FSTL5: variants seen among roughly 807,000 people sequenced by gnomAD.
FSTL5 encodes the protein follistatin-related protein 5.
Under a neutral mutation model 89.1 loss-of-function variants are expected in FSTL5, and 62 were observed. That is an observed-to-expected ratio of 0.70 (90% CI 0.57 to 0.86). FSTL5 has a LOEUF of 0.86. Ranked by LOEUF, FSTL5 falls within the 40% of genes least tolerant of loss-of-function variation. The pLI, the probability that FSTL5 is intolerant of heterozygous loss-of-function variation, is 0.00. For missense variants in FSTL5, 1,057 were observed against 1,001.6 expected (o/e 1.06, Z -0.75); for synonymous variants, 383 against 346.2 (o/e 1.11, Z -1.18).
At chr4:161,490,124 C>G (rs896840342) in intron 12 of FSTL5, among the ~76,000 whole-genome samples, 1 of 152,024 alleles carries the variant, frequency 6.6e-6, no homozygotes, top group African/African-American at 2.4e-5. Flanking sequence ...TCACTCTGAT[C>G]CTCTGAATTT....
chr4:161,475,611 A>AT (rs1734108487), intron 13 of FSTL5, among the ~76,000 whole-genome samples: 2 of 151,596 alleles, frequency 1.3e-5, no homozygotes, highest in Non-Finnish European at 2.9e-5. Context: ...ATTCTTTACT[A>AT]ACATTTCCAT....
Position 162,071,005 on chromosome 4 carries a change from A to G in FSTL5, c.127-37347T>C, listed in dbSNP as rs547369734. On this transcript the variant is annotated intron_variant, in intron 2 of 15. Transcript: ENST00000306100. ...AAGCTGTTACACAAATGAGAAAGAG[A>G]AAGGAATCGAATCTGATAACTATAG... is the stretch of plus-strand genomic sequence containing the variant. 2.6e-4 allele frequency among the ~76,000 whole-genome samples: 39 copies of G among 151,076 alleles called. No homozygotes were observed. In the East Asian group the frequency reaches 7.4e-3, roughly 29 times the overall value.
chr4:161,760,090 T>C (rs1740732711), intron 5 of FSTL5, among the ~76,000 whole-genome samples: 1 of 151,882 alleles, frequency 6.6e-6, no homozygotes, highest in Admixed American at 6.6e-5. Flanking sequence ...AAAAGAGCTA[T>C]TAAGCAAATG....
intron 4 of FSTL5, among the ~76,000 whole-genome samples, chr4:161,814,805 A>T (rs1229269087): frequency 6.6e-6 from 1 of 152,114 alleles, no homozygotes; most frequent in Non-Finnish European, 1.5e-5. Context: ...TCCACTTTAT[A>T]AGATAGGCCT....
intron 7 of FSTL5, among the ~76,000 whole-genome samples, chr4:161,619,759 A>G (rs2126644401): frequency 6.6e-6 from 1 of 152,228 alleles, no homozygotes; most frequent in Admixed American, 6.5e-5. Flanking sequence ...AACTAGTTCA[A>G]CCATTGTGGA....
chr4:161,543,161 A>G (rs1731890468), intron 8 of FSTL5, among the ~76,000 whole-genome samples: 1 of 152,106 alleles, frequency 6.6e-6, no homozygotes, highest in African/African-American at 2.4e-5. Flanking sequence ...CTGTTAGGAA[A>G]TTAATAATTC....
At chr4:161,654,557 C>T (rs1268635672) in intron 7 of FSTL5, among the ~76,000 whole-genome samples, 1 of 151,980 alleles carries the variant, frequency 6.6e-6, no homozygotes, top group African/African-American at 2.4e-5. Context: ...TATATGCAAA[C>T]TTAGAAAAGC....
At chr4:161,969,986 T>A (rs540393759) in intron 3 of FSTL5, among the ~76,000 whole-genome samples, 1 of 151,976 alleles carries the variant, frequency 6.6e-6, no homozygotes, top group South Asian at 2.1e-4. Flanking sequence ...GCTAAAGAGG[T>A]TGGTGAGGAC....
At chr4:162,048,445 A>G (rs1191072715) in intron 2 of FSTL5, among the ~76,000 whole-genome samples, 1 of 152,160 alleles carries the variant, frequency 6.6e-6, no homozygotes, top group Non-Finnish European at 1.5e-5. Flanking sequence ...AGAATAATTT[A>G]AATTGGTAAC....
chr4:161,415,069 A>G lies in FSTL5; in HGVS notation c.1842-28620T>C, dbSNP rs575148326. On this transcript the variant is annotated intron_variant, in intron 15 of 15. Transcript: ENST00000306100. ...TAAATTATACCTATTATCATTAAGA[A>G]TAATGGTACGATGTCAAGAAAATAC... is the stretch of plus-strand genomic sequence containing the variant. Among the ~76,000 whole-genome samples the G allele has an allele frequency of 9.8e-5, 15 of 152,346 alleles. No individual in the cohort carries two copies. In the South Asian group the frequency reaches 3.1e-3, roughly 32 times the overall value.
At chr4:162,106,254 AAGTTGGACATAGT>A in intron 2 of FSTL5, among the ~76,000 whole-genome samples, 1 of 152,310 alleles carries the variant, frequency 6.6e-6, no homozygotes, top group South Asian at 2.1e-4. Flanking sequence ...CTGCACTACA[AAGTTGGACATAGT>A]AGTATCTGGT....
intron 2 of FSTL5, among the ~76,000 whole-genome samples, chr4:162,044,238 A>G (rs1284631515): frequency 6.6e-6 from 1 of 152,230 alleles, no homozygotes; most frequent in Non-Finnish European, 1.5e-5. Flanking sequence ...CATGTGCTAC[A>G]GAATGAATGT....
intron 4 of FSTL5, among the ~76,000 whole-genome samples, chr4:161,800,486 T>C (rs1272910392): frequency 1.3e-5 from 2 of 151,580 alleles, no homozygotes; most frequent in Non-Finnish European, 3.0e-5. Context: ...TTTTAAAGAG[T>C]CTTTGAAAAG....
At chr4:161,416,794 A>G (rs1008034958) in intron 15 of FSTL5, among the ~76,000 whole-genome samples, 114 of 151,548 alleles carry the variant, frequency 7.5e-4, no homozygotes, top group African/African-American at 2.6e-3. Context: ...GCAGTAAGCC[A>G]AGATCATGCC....
intron 6 of FSTL5, among the ~76,000 whole-genome samples, chr4:161,712,419 T>C (rs912453937): frequency 5.9e-5 from 9 of 152,116 alleles, no homozygotes; most frequent in African/African-American, 2.2e-4. Context: ...GGATTAACCC[T>C]CCCAGTAGTG....
intron 2 of FSTL5, among the ~76,000 whole-genome samples, chr4:162,085,359 C>A (rs939454948): frequency 2.6e-5 from 4 of 151,878 alleles, no homozygotes; most frequent in Non-Finnish European, 5.9e-5. Context: ...AATATAAATT[C>A]TTTAAATCAC....
intron 7 of FSTL5, among the ~76,000 whole-genome samples, chr4:161,634,886 A>C (rs1312651992): frequency 1.3e-5 from 2 of 152,208 alleles, no homozygotes; most frequent in Non-Finnish European, 2.9e-5. Flanking sequence ...ATCATCACAC[A>C]CACACAAAAT....
intron 6 of FSTL5, among the ~76,000 whole-genome samples, chr4:161,758,212 GA>G (rs1490762149): frequency 2.0e-5 from 3 of 151,778 alleles, no homozygotes; most frequent in Admixed American, 1.3e-4. Flanking sequence ...TTTTTAAGAA[GA>G]AAAATACATT....
intron 6 of FSTL5, among the ~76,000 whole-genome samples, chr4:161,693,915 G>A (rs1348120021): frequency 6.6e-6 from 1 of 152,078 alleles, no homozygotes; most frequent in Non-Finnish European, 1.5e-5. Context: ...TAGGATTACA[G>A]GCGTGAGCCA....
Sources: allele counts gnomAD v4.1 joint callset (sites outside exome capture counted in the v4.1 genomes callset), GRCh38; gene constraint gnomAD v4.1.1; transcripts MANE v1.5; gene names NCBI Gene and HGNC (gene_info 2026-07-23, HGNC 2026-07-21).